The following SLCO1A2 variants were observed in gnomAD, a reference collection of about 807,000 sequenced individuals.
The protein encoded by SLCO1A2 is OATP-1.
A neutral mutation model predicts 69.0 loss-of-function variants in SLCO1A2; 67 were observed. The observed-to-expected ratio is 0.97, with a 90% CI of 0.80 to 1.19. The LOEUF is 1.19. Ranked by LOEUF, SLCO1A2 falls within the 50% of genes most tolerant of loss-of-function variation. The probability of loss-of-function intolerance (pLI) is 0.00; values close to 1 mark genes in which losing one functional copy is unlikely to be tolerated. For missense variants in SLCO1A2, 787 were observed against 793.7 expected, an observed-to-expected ratio of 0.99 and a Z score of 0.10; for synonymous variants, 260 against 265.9, an observed-to-expected ratio of 0.98 and a Z score of 0.22.
chr12:21,318,942 A>G lies in SLCO1A2; in HGVS notation c.61-19T>C, dbSNP rs769116042. 6.4e-7 allele frequency: 1 copy of G among 1,556,710 alleles called. No individual in the cohort carries two copies. The highest frequency in any genetic ancestry group is 8.7e-7 in the Non-Finnish European group (1 of 1,153,806). On this transcript the variant is annotated intron_variant, in intron 2 of 14. Coordinates refer to ENST00000683939, the MANE Select transcript of SLCO1A2 (RefSeq NM_001386879.1). ...GAAACATCTAGGAAAAAAATATAAG[A>G]AAACGTAGAAAAAATTATTTTTAAA...
chr12:21,275,437 T>C lies in SLCO1A2; in HGVS notation c.1611-13A>G, dbSNP rs3764044. 0.056 allele frequency: 79,761 copies of C among 1,435,786 alleles called. 4,770 individuals are homozygous for C. Among genetic ancestry groups the C allele is most frequent in the East Asian group, 0.33 (13,510 of 41,212 alleles). 88.9% of individuals were successfully genotyped at this position (1,435,786 alleles called of 1,614,324 possible). ...AGATTTCATACACCTGAAAAGTAAA[T>C]AAGTTTGTAAATAAAAGAAAAATAA... On this transcript the variant is annotated splice_polypyrimidine_tract_variant and intron_variant, in intron 12 of 14. Transcript: ENST00000683939.
At chr12:21,347,470 A>AC (rs1953292408) in intron 2 of SLCO1A2, among the ~76,000 whole-genome samples, 1 of 151,918 alleles carries the variant, frequency 6.6e-6, no homozygotes, top group Non-Finnish European at 1.5e-5. Flanking sequence ...ACATGGTGAA[A>AC]CCCCCTCTCT....
intron 1 of SLCO1A2, chr12:21,378,709 C>A (rs552412745): frequency 1.0e-5 from 3 of 298,338 alleles, no homozygotes; most frequent in African/African-American, 4.3e-5. Flanking sequence ...GGTTTAAGAA[C>A]GAAGGAGAAA....
At chr12:21,293,855 C>T (rs1947293885) in intron 11 of SLCO1A2, 90 bp downstream of exon 11, 1 of 1,051,778 alleles carries the variant, frequency 9.5e-7, no homozygotes, top group Admixed American at 3.2e-5. Flanking sequence ...TGAGGAAACA[C>T]TAATTTTACT....
Position 21,304,716 on chromosome 12 carries a change from T to C in SLCO1A2, c.443-143A>G. 9 of 764,922 alleles carry C rather than the reference T, an allele frequency of 1.2e-5. No homozygotes were observed. The South Asian group carries it at 1.6e-4, about 14-fold the overall frequency. 47.4% of individuals were successfully genotyped at this position (764,922 alleles called of 1,614,324 possible). ...TTTATATTACTATTCCAGCAGTGAC[T>C]TCTCAGGGCACCCCTAGTGCATTTT... On this transcript the variant is annotated intron_variant, in intron 5 of 14. Coordinates refer to ENST00000683939, the MANE Select transcript of SLCO1A2 (RefSeq NM_001386879.1).
intron 12 of SLCO1A2, among the ~76,000 whole-genome samples, chr12:21,278,173 G>A (rs1279156463): frequency 6.6e-6 from 1 of 152,076 alleles, no homozygotes; most frequent in Non-Finnish European, 1.5e-5. Context: ...TTTGGAAAGG[G>A]GAGAGAAGAG....
chr12:21,310,326 A>G (rs1190492807), intron 4 of SLCO1A2, among the ~76,000 whole-genome samples: 1 of 152,162 alleles, frequency 6.6e-6, no homozygotes, highest in Non-Finnish European at 1.5e-5. Flanking sequence ...TAAGTGTGCA[A>G]TAGCATTATG....
At chr12:21,378,593 G>T in intron 1 of SLCO1A2, 1 of 554,624 alleles carries the variant, frequency 1.8e-6, no homozygotes, top group Non-Finnish European at 3.2e-6. Flanking sequence ...ACTAACTAAG[G>T]TCCCATAATA....
At chr12:21,419,582 C>T (rs1003162293), upstream of SLCO1A2, 13 of 161,814 alleles carry the variant, frequency 8.0e-5, no homozygotes, top group Non-Finnish European at 1.6e-4. Context: ...CCCACGGAGT[C>T]TCGCTGATTG....
At chr12:21,347,701 A>AAGGAAGGAAGGAAGGAAGG (rs1565510480) in intron 2 of SLCO1A2, among the ~76,000 whole-genome samples, 3 of 70,640 alleles carry the variant, frequency 4.2e-5, no homozygotes, top group African/African-American at 6.0e-5. Context: ...AGGAAGGAAG[A>AAGGAAGGAAGGAAGGAAGG]AGGAAAAAAG....
chr12:21,289,401 G>A (rs112755939), intron 12 of SLCO1A2, among the ~76,000 whole-genome samples: 1 of 152,094 alleles, frequency 6.6e-6, no homozygotes, highest in African/African-American at 2.4e-5. Context: ...TGGCCTCCCA[G>A]ACTGATGTTG....
chr12:21,292,660 A>G (rs1947063815), intron 11 of SLCO1A2, among the ~76,000 whole-genome samples: 1 of 152,010 alleles, frequency 6.6e-6, no homozygotes, highest in Admixed American at 6.6e-5. Flanking sequence ...CAGTGGTGCG[A>G]TCTCGGCTCA....
At chr12:21,405,419 C>G (rs188260010) in intron 1 of SLCO1A2, among the ~76,000 whole-genome samples, 3 of 151,858 alleles carry the variant, frequency 2.0e-5, no homozygotes, top group Non-Finnish European at 4.4e-5. Context: ...AAAAAAACTA[C>G]TTCAAAATTC....
At chr12:21,360,254 G>A (rs948230894) in intron 2 of SLCO1A2, among the ~76,000 whole-genome samples, 49 of 152,198 alleles carry the variant, frequency 3.2e-4, no homozygotes, top group African/African-American at 1.2e-3. Flanking sequence ...TTTCAGGAGT[G>A]TGTGCATTGG....
At chr12:21,401,808 A>G (rs1941714227) in intron 1 of SLCO1A2, among the ~76,000 whole-genome samples, 2 of 151,766 alleles carry the variant, frequency 1.3e-5, no homozygotes, top group South Asian at 4.1e-4. Context: ...CAAAAAATGT[A>G]CTAGTTACTG....
chr12:21,365,325 G>A (rs1939287523), intron 2 of SLCO1A2, among the ~76,000 whole-genome samples: 1 of 152,190 alleles, frequency 6.6e-6, no homozygotes, highest in Admixed American at 6.5e-5. Context: ...AAACGGTGCT[G>A]GGAAAACTGG....
At chr12:21,408,562 C>T (rs548542065) in intron 1 of SLCO1A2, among the ~76,000 whole-genome samples, 2 of 152,264 alleles carry the variant, frequency 1.3e-5, no homozygotes, top group South Asian at 2.1e-4. Context: ...TCCGCAACTG[C>T]CCAACGAAAA....
intron 4 of SLCO1A2, among the ~76,000 whole-genome samples, chr12:21,312,228 C>T (rs902381125): frequency 1.3e-5 from 2 of 152,196 alleles, no homozygotes; most frequent in Non-Finnish European, 2.9e-5. Flanking sequence ...CTTCACCTTG[C>T]ACTTTTATGT....
At chr12:21,294,814 A>G (rs577321279) in intron 10 of SLCO1A2, 1 of 152,314 alleles carries the variant, frequency 6.6e-6, no homozygotes, top group South Asian at 2.1e-4. Flanking sequence ...TTTAATCTGT[A>G]AAGTGGAGAT....
Sources: allele counts gnomAD v4.1 joint callset (sites outside exome capture counted in the v4.1 genomes callset), GRCh38; gene constraint gnomAD v4.1.1; transcripts MANE v1.5; gene names NCBI Gene and HGNC (gene_info 2026-07-23, HGNC 2026-07-21).